Variants in CACNA1I observed in about 807,000 individuals in gnomAD.
CACNA1I encodes the protein calcium voltage-gated channel subunit alpha1 I.
A neutral mutation model predicts 201.6 loss-of-function variants in CACNA1I; 74 were observed. That is an observed-to-expected ratio of 0.37 (90% CI 0.30 to 0.45). The LOEUF (loss-of-function observed/expected upper bound fraction) is 0.45. CACNA1I is among the 20% of genes least tolerant of loss of function. The probability of loss-of-function intolerance (pLI) is 1.00; values close to 1 mark genes in which losing one functional copy is unlikely to be tolerated. For synonymous variants in CACNA1I, 1,431 were observed against 1,345.2 expected, an observed-to-expected ratio of 1.06 and a Z score of -1.40; for missense variants, 2,346 against 3,138.1, an observed-to-expected ratio of 0.75 and a Z score of 6.03.
chr22:39,601,835 TTCCC>T (rs1300230702), intron 3 of CACNA1I, among the ~76,000 whole-genome samples: 16 of 79,096 alleles, frequency 2.0e-4, no homozygotes, highest in Admixed American at 5.7e-4. Context: ...CCTTCCTTCC[TTCCC>T]TCCCTCCCTC....
At chr22:39,631,171 T>C (rs1192159659) in intron 4 of CACNA1I, among the ~76,000 whole-genome samples, 1 of 152,170 alleles carries the variant, frequency 6.6e-6, no homozygotes, top group Non-Finnish European at 1.5e-5. Flanking sequence ...CTGTCCCCTC[T>C]GTAGATGAGG....
chr22:39,598,284 G>A (rs1042777686), intron 2 of CACNA1I, 22 bp downstream of exon 2: 54 of 910,236 alleles, frequency 5.9e-5, no homozygotes, highest in Non-Finnish European at 7.5e-5. Flanking sequence ...GCCCCGCCCC[G>A]CCCCGCCCTG....
chr22:39,658,392 T>C, intron 11 of CACNA1I, 89 bp downstream of exon 11: 1 of 1,266,986 alleles, frequency 7.9e-7, no homozygotes, highest in South Asian at 1.3e-5. Flanking sequence ...GGACATAAGA[T>C]GGCTGTGGAA....
At chr22:39,575,507 T>C (rs1017193924) in intron 1 of CACNA1I, among the ~76,000 whole-genome samples, 13 of 152,116 alleles carry the variant, frequency 8.5e-5, no homozygotes, top group Non-Finnish European at 1.6e-4. Flanking sequence ...TAGATTCAAT[T>C]AGACATTGGG....
rs766022375 is a variant in CACNA1I at position 39,664,903 on chromosome 22, G to C, written c.3831G>C (p.Leu1277=). The C allele has an allele frequency of 1.2e-6, 2 of 1,612,430 alleles. No homozygotes were observed. The highest frequency in any genetic ancestry group is 1.7e-6 in the Non-Finnish European group (2 of 1,179,840). The change falls in exon 21 of 37, where the codon CTG becomes CTC. Residue 1277 remains leucine, a synonymous_variant. Coordinates refer to ENST00000402142, the MANE Select transcript of CACNA1I (RefSeq NM_021096.4). ...ILGVLRVLRL[L]RTLRPLRVIS... Reference sequence around the variant, plus strand: ...GGGTCCTCCGAGTCTTGCGGCTCCTGCGCACCCTACGCCCCCTGCGGTGAG... The same window carrying C: ...GGGTCCTCCGAGTCTTGCGGCTCCTCCGCACCCTACGCCCCCTGCGGTGAG...
intron 4 of CACNA1I, among the ~76,000 whole-genome samples, chr22:39,627,505 C>T (rs1412095432): frequency 1.1e-4 from 16 of 152,192 alleles, no homozygotes; most frequent in Non-Finnish European, 5.9e-5. Context: ...AACCCTCACG[C>T]CCCAGGCCAA....
chr22:39,656,890 G>C (rs764977453), intron 10 of CACNA1I, among the ~76,000 whole-genome samples: 2 of 152,160 alleles, frequency 1.3e-5, no homozygotes, highest in Non-Finnish European at 2.9e-5. Flanking sequence ...TCCTTTCTCT[G>C]TGATTCAGGC....
In CACNA1I at chr22:39,649,119, A is replaced by C. The variant is rs1358820043; in HGVS notation, c.1568-382A>C. On this transcript the variant is annotated intron_variant, in intron 9 of 36. Transcript: ENST00000402142. This position sits in a 1 kb window ranked among gnomAD's most constrained non-coding sequence, Gnocchi z 7.3. ...GCCCCCACATTGGCCTGACTCTTTCAGAATCACATCTAGTTCCCAAGCTGC... is the reference window on the plus strand; with the variant it reads ...GCCCCCACATTGGCCTGACTCTTTCCGAATCACATCTAGTTCCCAAGCTGC... Among the ~76,000 whole-genome samples, 1 of 152,196 alleles carries C rather than the reference A, an allele frequency of 6.6e-6. No homozygotes were observed. The highest frequency in any genetic ancestry group is 1.5e-5 in the Non-Finnish European group (1 of 68,028).
At chr22:39,652,791 G>A (rs1483472715) in intron 10 of CACNA1I, among the ~76,000 whole-genome samples, 1 of 152,198 alleles carries the variant, frequency 6.6e-6, no homozygotes, top group Admixed American at 6.5e-5. Context: ...TGTAGTCCCA[G>A]CTTCTCAGGA....
At chr22:39,640,233 A>AG (rs1934318627) in intron 5 of CACNA1I, among the ~76,000 whole-genome samples, 1 of 152,168 alleles carries the variant, frequency 6.6e-6, no homozygotes, top group Non-Finnish European at 1.5e-5. Context: ...TACTAAAAAA[A>AG]CAAAAATTAG....
chr22:39,615,621 C>T (rs963190879), intron 3 of CACNA1I, among the ~76,000 whole-genome samples: 1 of 152,194 alleles, frequency 6.6e-6, no homozygotes, highest in Non-Finnish European at 1.5e-5. Context: ...TCCCTCTTCC[C>T]TCCTCTCTCC....
intron 1 of CACNA1I, among the ~76,000 whole-genome samples, chr22:39,592,637 A>T (rs929464105): frequency 6.6e-6 from 1 of 152,188 alleles, no homozygotes. Context: ...GCCATTGAAG[A>T]CGTCCTGCCG....
rs553866324 is a variant in CACNA1I at position 39,689,010 on chromosome 22, A to T, written c.*2605A>T. 1.3e-5 allele frequency: 2 copies of T among 152,882 alleles called. No homozygotes were observed. The highest frequency in any genetic ancestry group is 4.8e-5 in the African/African-American group (2 of 41,594). The allele number at this position is 152,882 out of a possible 1,614,324, so 9.5% of individuals were successfully genotyped here. A position where few individuals can be genotyped will look rare whatever the true frequency, so the allele number is the denominator to read the frequency against. The stretch of plus-strand genomic sequence containing the variant: ...CCAGGGAAGCTGTGATCCACTGGCC[A>T]GGACAAGTCAACATGGGTGAGGGTT... On this transcript the variant is annotated 3_prime_UTR_variant, in exon 37 of 37. Coordinates refer to ENST00000402142, the MANE Select transcript of CACNA1I (RefSeq NM_021096.4).
intron 24 of CACNA1I, 63 bp from the exon 25 acceptor site, chr22:39,669,975 G>A: frequency 2.5e-6 from 4 of 1,586,298 alleles, no homozygotes; most frequent in Non-Finnish European, 3.5e-6. Context: ...GCCAGGATGG[G>A]CACCTCCCCA....
chr22:39,598,208 G>A lies in CACNA1I; in HGVS notation c.294G>A (p.Met98Ile). The A allele has an allele frequency of 6.2e-7, 1 of 1,609,424 alleles. No homozygotes were observed. The highest frequency in any genetic ancestry group is 2.2e-5 in the East Asian group (1 of 44,734). The change falls in exon 2 of 37, where the codon ATG becomes ATA. Residue 98 changes from methionine to isoleucine, a missense_variant. This residue lies in a region of CACNA1I where 130 missense variants were observed against 160.7 expected (regional missense o/e 0.81). Transcript: ENST00000402142. ...VILLNCVTLGMYQPCDDMDCL... is the reference protein window; with the variant it reads ...VILLNCVTLGIYQPCDDMDCL... Reference sequence around the variant, plus strand: ...TGCTGAACTGCGTGACACTTGGCATGTACCAGCCGTGCGACGACATGGACT... The same window carrying A: ...TGCTGAACTGCGTGACACTTGGCATATACCAGCCGTGCGACGACATGGACT...
intron 5 of CACNA1I, among the ~76,000 whole-genome samples, chr22:39,637,087 G>A (rs147689216): frequency 2.8e-4 from 43 of 152,292 alleles, no homozygotes; most frequent in African/African-American, 7.5e-4. Flanking sequence ...AACACTCACC[G>A]ACCCCTTCCA....
chr22:39,668,420 G>A, intron 24 of CACNA1I, 39 bp downstream of exon 24: 1 of 1,350,610 alleles, frequency 7.4e-7, no homozygotes, highest in Non-Finnish European at 1.1e-6. Context: ...TTGATGCAGG[G>A]AGGAACATGG....
At chr22:39,652,152 TG>T (rs1934671271) in intron 10 of CACNA1I, among the ~76,000 whole-genome samples, 1 of 152,032 alleles carries the variant, frequency 6.6e-6, no homozygotes, top group Non-Finnish European at 1.5e-5. Context: ...TCCAGGCGTG[TG>T]CCACCACTCC....
chr22:39,686,049 T>C lies in CACNA1I; in HGVS notation c.6316T>C (p.Ser2106Pro). Residue 2106 changes from serine (S) to proline (P), a missense_variant, in exon 37 of 37, where the codon TCG becomes CCG. Physicochemically the swap from Ser to Pro is moderately conservative, Grantham distance 74. This residue lies in a region of CACNA1I where 441 missense variants were observed against 555.6 expected (regional missense o/e 0.79). Coordinates refer to ENST00000402142, the MANE Select transcript of CACNA1I (RefSeq NM_021096.4). ...GCTHHDSMDP[S>P]DEEGRGGAGG... Reference sequence around the variant, plus strand: ...CACCCACCACGACTCCATGGACCCCTCGGACGAGGAGGGCCGCGGTGGCGC... The same window carrying C: ...CACCCACCACGACTCCATGGACCCCCCGGACGAGGAGGGCCGCGGTGGCGC... The C allele has an allele frequency of 1.6e-6, 2 of 1,233,886 alleles. No individual in the cohort carries two copies. The highest frequency in any genetic ancestry group is 4.3e-5 in the Admixed American group (1 of 23,146). 76.4% of individuals were successfully genotyped at this position (1,233,886 alleles called of 1,614,324 possible).
Sources: allele counts gnomAD v4.1 joint callset (sites outside exome capture counted in the v4.1 genomes callset), GRCh38; gene constraint gnomAD v4.1.1; regional missense constraint gnomAD v4.1.1; non-coding constraint Gnocchi (gnomAD v3.1); transcripts MANE v1.5; gene names NCBI Gene and HGNC (gene_info 2026-07-23, HGNC 2026-07-21).